The following MYH4 variants were observed in gnomAD, a reference collection of about 807,000 sequenced individuals.
MYH4 encodes myosin-4.
A neutral mutation model predicts 229.9 loss-of-function variants in MYH4; 200 were observed. The ratio of observed to expected loss-of-function variants is 0.87; its 90% CI spans 0.78 to 0.98. MYH4 has a LOEUF of 0.98. Ranked by LOEUF, MYH4 falls within the 50% of genes least tolerant of loss-of-function variation. The pLI is 0.00. For missense variants in MYH4, 2,148 were observed against 2,332.6 expected, an observed-to-expected ratio of 0.92 and a Z score of 1.63; for synonymous variants, 761 against 834.6, an observed-to-expected ratio of 0.91 and a Z score of 1.52.
At chr17:10,448,830 G>C in intron 31 of MYH4, 34 bp downstream of exon 31, 1 of 1,612,926 alleles carries the variant, frequency 6.2e-7, no homozygotes, top group Non-Finnish European at 8.5e-7. Context: ...AATGATGTCA[G>C]TTTCCCCCAA....
chr17:10,451,623 C>T (rs2072574505), intron 27 of MYH4, among the ~76,000 whole-genome samples, 171 bp from the exon 28 acceptor site: 1 of 152,136 alleles, frequency 6.6e-6, no homozygotes, highest in African/African-American at 2.4e-5. Flanking sequence ...AAATAATGAA[C>T]ACATGATTAT....
chr17:10,448,321 A>C, intron 33 of MYH4, 75 bp downstream of exon 33: 1 of 1,492,330 alleles, frequency 6.7e-7, no homozygotes, highest in South Asian at 1.3e-5. Context: ...AAAGATTTGC[A>C]ACATGATAGA....
chr17:10,445,778 C>T (rs1247792563), intron 35 of MYH4, among the ~76,000 whole-genome samples: 1 of 152,014 alleles, frequency 6.6e-6, no homozygotes, highest in African/African-American at 2.4e-5. Flanking sequence ...CCTGTAATCC[C>T]AGCACTTTGG....
rs147137444 is a variant in MYH4 at position 10,457,492 on chromosome 17, C to T, written c.1825G>A (p.Val609Met). ...ATTGCAGACTTCTGGTACAGCCCCA[C>T]CACAGTCTCATTCAGGGGGTCCTTG... ...KNKDPLNETV[V>M]GLYQKSAMKT... Residue 609 changes from valine (V) to methionine (M), a missense_variant, in exon 16 of 40, where the codon GTG (valine) becomes ATG (methionine). By Grantham distance (21) the Val-to-Met change is conservative. Coordinates refer to ENST00000255381, the MANE Select transcript of MYH4 (RefSeq NM_017533.2). The T allele has an allele frequency of 1.2e-5, 19 of 1,614,114 alleles. No individual in the cohort carries two copies. The highest frequency in any genetic ancestry group is 9.3e-5 in the African/African-American group (7 of 74,936).
At chr17:10,451,291 AC>A in intron 28 of MYH4, 34 bp downstream of exon 28, 1 of 1,606,466 alleles carries the variant, frequency 6.2e-7, no homozygotes, top group Non-Finnish European at 8.5e-7. Context: ...TTCATTCGTC[AC>A]CTCTCCGAAG....
rs1479247008 is a variant in MYH4, at chr17:10,455,202, G to A, written c.2268C>T (p.Asp756=). Residue 756 remains aspartate (D), a synonymous_variant, in exon 20 of 40, where the codon GAC becomes GAT. Transcript: ENST00000255381. ...TATGACCGAATTTGTACTGGGTGTG[G>A]TCAATTTCAATAGACCCTAGAAGTT... The part of the protein sequence containing the change: ...SEKLLGSIEI[D]HTQYKFGHTK... The A allele has an allele frequency of 3.1e-6, 5 of 1,614,122 alleles. No homozygotes were observed. Among genetic ancestry groups the A allele is most frequent in the Non-Finnish European group, 4.2e-6 (5 of 1,180,012 alleles).
chr17:10,446,928 T>C lies in MYH4; in HGVS notation c.5169+85A>G, dbSNP rs2072517780. On this transcript the variant is annotated intron_variant, in intron 35 of 39. Coordinates refer to ENST00000255381, the MANE Select transcript of MYH4 (RefSeq NM_017533.2). ...AGCTCCAGGAAGGGACGAAGATTACTTTTTACTTTATAAACAAGCTTATCT... is the reference window on the plus strand; with the variant it reads ...AGCTCCAGGAAGGGACGAAGATTACCTTTTACTTTATAAACAAGCTTATCT... 7 of 1,419,844 alleles carry C rather than the reference T, an allele frequency of 4.9e-6. No homozygotes were observed. The Admixed American group carries it at 9.4e-5, about 19-fold the overall frequency. 88.0% of individuals were successfully genotyped at this position (1,419,844 alleles called of 1,614,324 possible).
chr17:10,457,849 A>G (rs952852506), intron 15 of MYH4, 120 bp from the exon 16 acceptor site: 2 of 1,319,100 alleles, frequency 1.5e-6, no homozygotes, highest in African/African-American at 2.9e-5. Flanking sequence ...TAAATTAAAT[A>G]GGCATGACAT....
chr17:10,454,890 G>A (rs2142220110), intron 21 of MYH4, 51 bp downstream of exon 21: 1 of 1,611,120 alleles, frequency 6.2e-7, no homozygotes. Context: ...TGACTGCAGT[G>A]GATTCATTTA....
intron 4 of MYH4, 74 bp downstream of exon 4, chr17:10,466,199 A>T: frequency 6.5e-7 from 1 of 1,546,704 alleles, no homozygotes. Context: ...AATGTATTGA[A>T]ACCCCTTAAT....
At chr17:10,462,486 G>A (rs190657786) in intron 11 of MYH4, among the ~76,000 whole-genome samples, 1 of 152,322 alleles carries the variant, frequency 6.6e-6, no homozygotes, top group Non-Finnish European at 1.5e-5. Flanking sequence ...AACAGTGGGA[G>A]TTCCATGTTT....
rs748830032 is a variant in MYH4 at position 10,466,645 on chromosome 17, G to T, written c.101C>A (p.Ala34Asp). 2 of 1,614,154 alleles carry T rather than the reference G, an allele frequency of 1.2e-6. No homozygotes were observed. Among genetic ancestry groups the T allele is most frequent in the Non-Finnish European group, 1.7e-6 (2 of 1,180,040 alleles). The change falls in exon 3 of 40, where the codon GCC becomes GAC. Residue 34 changes from alanine (A) to aspartate (D), a missense_variant. Ala to Asp is a moderately radical substitution (Grantham distance 126, BLOSUM62 -2). Transcript: ENST00000255381. ...GTCCACCACAAAGACTGATGTCTTG[G>T]CATCAAAAGGCTTGTTCTGAGCTTC... ...RIEAQNKPFD[A>D]KTSVFVVDPK...
chr17:10,449,391 A>G (rs955531593), intron 30 of MYH4, among the ~76,000 whole-genome samples: 1 of 152,196 alleles, frequency 6.6e-6, no homozygotes, highest in Non-Finnish European at 1.5e-5. Flanking sequence ...ATAGTGTGGC[A>G]CATTTTCTTG....
At chr17:10,465,705 C>A in intron 4 of MYH4, 107 bp from the exon 5 acceptor site, 15 of 1,294,636 alleles carry the variant, frequency 1.2e-5, no homozygotes, top group African/African-American at 1.5e-5. Flanking sequence ...TGTTAGTTCT[C>A]ATAAAGTTTC....
chr17:10,445,405 T>TTG (rs777576621), intron 35 of MYH4, 43 bp from the exon 36 acceptor site: 1 of 1,609,212 alleles, frequency 6.2e-7, no homozygotes, highest in African/African-American at 1.3e-5. Context: ...CATTTACTTA[T>TTG]AACAACTCAC....
chr17:10,445,440 A>T, intron 35 of MYH4, 78 bp from the exon 36 acceptor site: 1 of 1,540,716 alleles, frequency 6.5e-7, no homozygotes, highest in South Asian at 1.2e-5. Context: ...TAGTGTACAC[A>T]GGCAAAAATT....
In MYH4 at chr17:10,455,009, G is replaced by A; in HGVS notation, c.2367C>T (p.Ile789=). The A allele has an allele frequency of 6.2e-7, 1 of 1,614,192 alleles. No individual in the cohort carries two copies. The highest frequency in any genetic ancestry group is 8.5e-7 in the Non-Finnish European group (1 of 1,180,032). The change falls in exon 21 of 40, where the codon ATC becomes ATT. Residue 789 remains isoleucine, a synonymous_variant. Coordinates refer to ENST00000255381, the MANE Select transcript of MYH4 (RefSeq NM_017533.2). ...EMRDEKLAQL[I]TRTQAICRGF... is the part of the protein sequence containing the mutation. ...CTCTGCATATGGCTTGAGTGCGCGT[G>A]ATGAGTTGAGCTAGCTTTTCATCTC... is the stretch of plus-strand genomic sequence containing the variant.
At chr17:10,454,189 T>C (rs528912241) in intron 22 of MYH4, among the ~76,000 whole-genome samples, 1 of 152,266 alleles carries the variant, frequency 6.6e-6, no homozygotes, top group African/African-American at 2.4e-5. Flanking sequence ...TAGGACTCAG[T>C]TTTCTCACAT....
chr17:10,460,144 T>C, intron 13 of MYH4, 43 bp from the exon 14 acceptor site: 1 of 1,613,870 alleles, frequency 6.2e-7, no homozygotes, highest in Non-Finnish European at 8.5e-7. Flanking sequence ...TTGAAAACAG[T>C]GATGAACTCC....
Sources: allele counts gnomAD v4.1 joint callset (sites outside exome capture counted in the v4.1 genomes callset), GRCh38; gene constraint gnomAD v4.1.1; transcripts MANE v1.5; gene names NCBI Gene and HGNC (gene_info 2026-07-23, HGNC 2026-07-21).